Variants in NAA16 observed in about 807,000 individuals in gnomAD.
NAA16 encodes N-alpha-acetyltransferase 16, NatA auxiliary subunit.
A neutral mutation model predicts 110.3 loss-of-function variants in NAA16; 97 were observed. The observed-to-expected ratio is 0.88, with a 90% confidence interval of 0.75 to 1.04. NAA16 has a LOEUF of 1.04. Ranked by LOEUF, NAA16 falls within the 50% of genes least tolerant of loss-of-function variation. The pLI is 0.00. For missense variants in NAA16, 1,017 were observed against 1,005.1 expected, an observed-to-expected ratio of 1.01 and a Z score of -0.16; for synonymous variants, 372 against 330.6, an observed-to-expected ratio of 1.13 and a Z score of -1.36.
At chr13:41,323,714 G>A (rs913516065) in intron 5 of NAA16, among the ~76,000 whole-genome samples, 1 of 151,512 alleles carries the variant, frequency 6.6e-6, no homozygotes, top group Admixed American at 6.6e-5. Flanking sequence ...CGAACTCCTG[G>A]GCTCAAATGA....
chr13:41,341,632 TCTTGAG>T (rs897277981), intron 9 of NAA16, among the ~76,000 whole-genome samples: 1 of 152,100 alleles, frequency 6.6e-6, no homozygotes, highest in Non-Finnish European at 1.5e-5. Context: ...TGGGAGGATC[TCTTGAG>T]CTTTGGAGGT....
intron 3 of NAA16, 113 bp downstream of exon 3, chr13:41,319,023 C>A: frequency 2.0e-6 from 1 of 500,828 alleles, no homozygotes; most frequent in Non-Finnish European, 3.5e-6. Context: ...ATTTAATGAA[C>A]TCTGTGTATC....
chr13:41,364,502 C>G (rs537827898), intron 13 of NAA16, among the ~76,000 whole-genome samples: 1 of 152,188 alleles, frequency 6.6e-6, no homozygotes, highest in South Asian at 2.1e-4. Context: ...CAACCTTCTT[C>G]AAAATATTAG....
intron 13 of NAA16, 110 bp from the exon 14 acceptor site, chr13:41,367,329 A>G: frequency 1.4e-6 from 1 of 718,502 alleles, no homozygotes; most frequent in East Asian, 2.7e-5. Context: ...AGCTAAGTGA[A>G]AATTGTGACT....
At chr13:41,325,348 C>A (rs1416601253) in intron 5 of NAA16, among the ~76,000 whole-genome samples, 1 of 152,026 alleles carries the variant, frequency 6.6e-6, no homozygotes, top group African/African-American at 2.4e-5. Context: ...CCAAGGTATA[C>A]CTGTAATTGA....
At chr13:41,332,956 C>G (rs1423175781) in intron 8 of NAA16, among the ~76,000 whole-genome samples, 1 of 151,994 alleles carries the variant, frequency 6.6e-6, no homozygotes, top group African/African-American at 2.4e-5. Flanking sequence ...TTGTAGAATA[C>G]AGAGAGCAGA....
At position 41,358,301 on chromosome 13, in the gene NAA16, C is replaced by T. The variant is rs772083612; in HGVS notation, c.1088-3C>T. On this transcript the variant is annotated splice_polypyrimidine_tract_variant and splice_region_variant and intron_variant, in intron 10 of 19. Transcript: ENST00000379406. ...TAATAATTTAATATTTGTTTGATTG[C>T]AGAGAATGGGGAGAAGGAACCCCCG... 2 of 1,607,520 alleles carry T rather than the reference C, an allele frequency of 1.2e-6. No individual in the cohort carries two copies. The highest frequency in any genetic ancestry group is 1.7e-6 in the Non-Finnish European group (2 of 1,175,844).
At chr13:41,372,404 A>G (rs1235630942) in intron 16 of NAA16, 93 bp downstream of exon 16, 2 of 1,385,482 alleles carry the variant, frequency 1.4e-6, no homozygotes, top group East Asian at 2.8e-5. Context: ...TGTTTCTTAG[A>G]TTTTCATTTT....
intron 9 of NAA16, among the ~76,000 whole-genome samples, chr13:41,350,414 C>T (rs901112733): frequency 6.6e-6 from 1 of 151,658 alleles, no homozygotes; most frequent in African/African-American, 2.4e-5. Flanking sequence ...CTGCTTCAGC[C>T]TCCGGAGTAG....
chr13:41,336,756 G>A lies in NAA16; in HGVS notation c.1014G>A (p.Lys338=). The change falls in exon 9 of 20, where the codon AAG becomes AAA. Residue 338 remains lysine, a splice_region_variant and synonymous_variant. Coordinates refer to ENST00000379406, the MANE Select transcript of NAA16 (RefSeq NM_024561.5). ...AATCTTTATATTACAATACAGAAAAGGTAAAATTTGGTATTTATTCAGATT... is the reference window on the plus strand; with the variant it reads ...AATCTTTATATTACAATACAGAAAAAGTAAAATTTGGTATTTATTCAGATT... ...TLKSLYYNTE[K]VSIIQELVTN... is the part of the protein sequence containing the mutation. 2 of 1,527,108 alleles carry A rather than the reference G, an allele frequency of 1.3e-6. No individual in the cohort carries two copies. Among genetic ancestry groups the A allele is most frequent in the East Asian group, 2.3e-5 (1 of 43,694 alleles). The allele number at this position is 1,527,108 out of a possible 1,614,324, so 94.6% of individuals were successfully genotyped here.
chr13:41,320,821 C>T lies in NAA16; in HGVS notation c.399C>T (p.Tyr133=). The T allele has an allele frequency of 6.3e-7, 1 of 1,595,788 alleles. No individual in the cohort carries two copies. Among genetic ancestry groups the T allele is most frequent in the Non-Finnish European group, 8.5e-7 (1 of 1,174,334 alleles). The change falls in exon 4 of 20, where the codon TAC becomes TAT. Residue 133 remains tyrosine, a synonymous_variant. Coordinates refer to ENST00000379406, the MANE Select transcript of NAA16 (RefSeq NM_024561.5). ...LQIQMRDLEG[Y]RETRYQLLQL... ...TCCAAATGAGAGACCTTGAAGGTTACCGAGTAAGTACTTCATTCTTAAATG... is the reference window on the plus strand; with the variant it reads ...TCCAAATGAGAGACCTTGAAGGTTATCGAGTAAGTACTTCATTCTTAAATG...
At chr13:41,357,752 T>C (rs868126657) in intron 10 of NAA16, among the ~76,000 whole-genome samples, 3 of 152,230 alleles carry the variant, frequency 2.0e-5, no homozygotes, top group Non-Finnish European at 4.4e-5. Context: ...ACTGCTTTTT[T>C]AAGAGGACTG....
chr13:41,359,114 C>A, intron 12 of NAA16, 152 bp downstream of exon 12: 1 of 688,330 alleles, frequency 1.5e-6, no homozygotes, highest in Non-Finnish European at 2.3e-6. Flanking sequence ...AACCCATATC[C>A]TAAGAATGGT....
chr13:41,344,113 C>T (rs1293921533), intron 9 of NAA16, among the ~76,000 whole-genome samples: 2 of 152,068 alleles, frequency 1.3e-5, no homozygotes, highest in Admixed American at 1.3e-4. Flanking sequence ...ACTAGCTTTG[C>T]TTAGGATTAT....
intron 9 of NAA16, among the ~76,000 whole-genome samples, chr13:41,343,771 G>C (rs1016745275): frequency 6.6e-6 from 1 of 151,992 alleles, no homozygotes; most frequent in African/African-American, 2.4e-5. Context: ...GAACTCCTGA[G>C]CTCAGGCAGT....
intron 4 of NAA16, among the ~76,000 whole-genome samples, chr13:41,322,081 A>G (rs2139382779): frequency 6.6e-6 from 1 of 152,300 alleles, no homozygotes; most frequent in South Asian, 2.1e-4. Flanking sequence ...GTGGATTGTG[A>G]AGTAAATTAA....
At chr13:41,357,965 C>T (rs925016610) in intron 10 of NAA16, among the ~76,000 whole-genome samples, 9 of 152,152 alleles carry the variant, frequency 5.9e-5, no homozygotes, top group Non-Finnish European at 1.0e-4. Flanking sequence ...AATCTCTTTG[C>T]CAAGTTTTTT....
chr13:41,342,710 C>G (rs114972414), intron 9 of NAA16, among the ~76,000 whole-genome samples: 77 of 152,308 alleles, frequency 5.1e-4, no homozygotes, highest in African/African-American at 1.8e-3. Flanking sequence ...CAAATTATTT[C>G]TGTAACGCCC....
intron 1 of NAA16, among the ~76,000 whole-genome samples, chr13:41,316,421 C>G (rs1170431879): frequency 6.6e-6 from 1 of 151,888 alleles, no homozygotes; most frequent in Admixed American, 6.6e-5. Flanking sequence ...ATTCTCCTGC[C>G]TAAGCCTCCT....
Sources: allele counts gnomAD v4.1 joint callset (sites outside exome capture counted in the v4.1 genomes callset), GRCh38; gene constraint gnomAD v4.1.1; transcripts MANE v1.5; gene names NCBI Gene and HGNC (gene_info 2026-07-23, HGNC 2026-07-21).